The following DIPK1A variants were observed in gnomAD, a reference collection of about 807,000 sequenced individuals.
DIPK1A encodes the protein divergent protein kinase domain 1A, also known as family with sequence similarity 69 member A.
Under a neutral mutation model 40.8 loss-of-function variants are expected in DIPK1A, and 27 were observed. The ratio of observed to expected loss-of-function variants is 0.66; its 90% CI spans 0.49 to 0.91. DIPK1A has a LOEUF of 0.91. DIPK1A is among the 40% of genes least tolerant of loss of function. DIPK1A has a pLI of 0.00. For missense variants in DIPK1A, 412 were observed against 505.7 expected, an observed-to-expected ratio of 0.81 and a Z score of 1.78; for synonymous variants, 166 against 171.3, an observed-to-expected ratio of 0.97 and a Z score of 0.24.
At chr1:92,913,215 A>G (rs1039001835) in intron 1 of DIPK1A, among the ~76,000 whole-genome samples, 1 of 152,222 alleles carries the variant, frequency 6.6e-6, no homozygotes, top group Non-Finnish European at 1.5e-5. Flanking sequence ...TTCTAATTGC[A>G]GGATAAAATT....
chr1:92,837,909 G>A (rs1365281617), downstream of DIPK1A: 3 of 435,702 alleles, frequency 6.9e-6, no homozygotes, highest in Admixed American at 7.4e-5. Flanking sequence ...AGAGGTGCTA[G>A]ATAATAAACT....
chr1:92,856,414 T>TTTA lies in DIPK1A; in HGVS notation c.190-5462_190-5460dup, dbSNP rs537165281. Among the ~76,000 whole-genome samples, 10 of 152,118 alleles carry TTTA rather than the reference T, an allele frequency of 6.6e-5. No individual in the cohort carries two copies. The South Asian group carries it at 1.7e-3, about 25-fold the overall frequency. ...TAAAAGATTAGTTTATTTACTATTA[T>TTTA]TTATTATTATTATTATTTTTTGAGA... On this transcript the variant is annotated intron_variant, in intron 2 of 4. Transcript: ENST00000370310.
At chr1:92,845,022 G>A (rs1019550387) in intron 4 of DIPK1A, among the ~76,000 whole-genome samples, 20 of 133,842 alleles carry the variant, frequency 1.5e-4, no homozygotes, top group African/African-American at 5.4e-4. Flanking sequence ...TCAGCTCACT[G>A]CAAGCTCCAC....
rs11291163 is a variant in DIPK1A at position 92,897,656 on chromosome 1, TAA to T, written c.55-21228_55-21227del. Among the ~76,000 whole-genome samples the T allele has an allele frequency of 1.4e-3, 214 of 151,498 alleles. 1 individual carries two copies. The highest frequency in any genetic ancestry group is 3.4e-3 in the Middle Eastern group (1 of 290). Reference sequence around the variant, plus strand: ...ATGTACCCTAAAACTTAAAGTATAATAAAAAAAAAATTTCCTTTTTCATTTCT... The same window carrying T: ...ATGTACCCTAAAACTTAAAGTATAATAAAAAAAATTTCCTTTTTCATTTCT... On this transcript the variant is annotated intron_variant, in intron 1 of 4. Coordinates refer to ENST00000370310, the MANE Select transcript of DIPK1A (RefSeq NM_001006605.5).
intron 1 of DIPK1A, among the ~76,000 whole-genome samples, chr1:92,938,082 G>A (rs914531888): frequency 6.6e-6 from 1 of 152,154 alleles, no homozygotes; most frequent in African/African-American, 2.4e-5. Flanking sequence ...CTGCAGCCTG[G>A]GCAACGTGGT....
At chr1:92,838,039 G>A (rs1285158082), downstream of DIPK1A, among the ~76,000 whole-genome samples, 2 of 152,210 alleles carry the variant, frequency 1.3e-5, no homozygotes, top group African/African-American at 2.4e-5. Flanking sequence ...CTGGGTCTGC[G>A]TGATGTTGTA....
chr1:92,942,259 T>G (rs1411116754), intron 1 of DIPK1A, among the ~76,000 whole-genome samples: 4 of 152,222 alleles, frequency 2.6e-5, no homozygotes, highest in Non-Finnish European at 1.5e-5. Context: ...TGAAAAGGCT[T>G]GTTTATCCCT....
rs1687544141 is a variant in DIPK1A, at chr1:92,845,083, T to G, written c.475-888A>C. On this transcript the variant is annotated intron_variant, in intron 4 of 4. Transcript: ENST00000370310. ...CCTCACCCTCCCGAGCAGCTGGGAC[T>G]ACAGGCGCCTGCCACCACGCCCAGC... Among the ~76,000 whole-genome samples the G allele has an allele frequency of 2.0e-5, 3 of 151,130 alleles. No homozygotes were observed. In the South Asian group the frequency reaches 6.2e-4, roughly 31 times the overall value.
At chr1:92,872,069 C>CTTTTTTTTTTTTTTTT (rs148010880) in intron 2 of DIPK1A, among the ~76,000 whole-genome samples, 2 of 67,936 alleles carry the variant, frequency 2.9e-5, no homozygotes, top group African/African-American at 5.8e-5. Context: ...TTCTTTAAAT[C>CTTTTTTTTTTTTTTTT]TTTTTTTTTT....
intron 3 of DIPK1A, 66 bp from the exon 4 acceptor site, chr1:92,847,425 A>G: frequency 9.3e-7 from 1 of 1,070,532 alleles, no homozygotes; most frequent in Non-Finnish European, 1.3e-6. Context: ...ATATACTACT[A>G]TATTTTTAGG....
intron 1 of DIPK1A, among the ~76,000 whole-genome samples, chr1:92,946,249 G>T (rs1166299403): frequency 1.3e-5 from 2 of 152,110 alleles, no homozygotes. Flanking sequence ...GAATTAACAA[G>T]TCATAATAAT....
chr1:92,947,500 T>C (rs1438845402), intron 1 of DIPK1A, among the ~76,000 whole-genome samples: 2 of 152,182 alleles, frequency 1.3e-5, no homozygotes, highest in African/African-American at 4.8e-5. Context: ...TTGGTGGGAA[T>C]ATAAATTAGT....
At chr1:92,956,382 A>C (rs372566479) in intron 1 of DIPK1A, among the ~76,000 whole-genome samples, 5 of 152,252 alleles carry the variant, frequency 3.3e-5, no homozygotes, top group Non-Finnish European at 7.3e-5. Context: ...TACCAGTCTC[A>C]GAAAGCTAAT....
At chr1:92,883,731 G>C (rs1264196904) in intron 1 of DIPK1A, among the ~76,000 whole-genome samples, 1 of 152,172 alleles carries the variant, frequency 6.6e-6, no homozygotes, top group East Asian at 1.9e-4. Flanking sequence ...GACAGCAAAG[G>C]GGAGGCTGCA....
At chr1:92,844,503 C>T (rs529353238) in intron 4 of DIPK1A, among the ~76,000 whole-genome samples, 3 of 152,178 alleles carry the variant, frequency 2.0e-5, no homozygotes, top group African/African-American at 7.2e-5. Flanking sequence ...ATTCCTCATT[C>T]ATACATTAAA....
At chr1:92,920,817 G>A (rs1156496688) in intron 1 of DIPK1A, among the ~76,000 whole-genome samples, 3 of 152,162 alleles carry the variant, frequency 2.0e-5, no homozygotes, top group Admixed American at 6.5e-5. Context: ...GCAATACATC[G>A]CTTGAACTAG....
chr1:92,926,393 C>A (rs1288299798), intron 1 of DIPK1A, among the ~76,000 whole-genome samples: 1 of 152,130 alleles, frequency 6.6e-6, no homozygotes, highest in Admixed American at 6.5e-5. Context: ...AGATCTCAAT[C>A]TTCTAAAACT....
chr1:92,898,683 T>C (rs1480387490), intron 1 of DIPK1A, among the ~76,000 whole-genome samples: 3 of 152,160 alleles, frequency 2.0e-5, no homozygotes, highest in Non-Finnish European at 4.4e-5. Context: ...AGGTCTTGTT[T>C]TGTTGCCCAG....
At chr1:92,892,443 A>G (rs1328136793) in intron 1 of DIPK1A, among the ~76,000 whole-genome samples, 2 of 152,108 alleles carry the variant, frequency 1.3e-5, no homozygotes, top group Non-Finnish European at 2.9e-5. Flanking sequence ...TGAGGGTCCT[A>G]ACTGTTAGAA....
Sources: allele counts gnomAD v4.1 joint callset (sites outside exome capture counted in the v4.1 genomes callset), GRCh38; gene constraint gnomAD v4.1.1; transcripts MANE v1.5; gene names NCBI Gene and HGNC (gene_info 2026-07-23, HGNC 2026-07-21).